The following DMD variants were observed in gnomAD, a reference collection of about 807,000 sequenced individuals.
DMD encodes the protein mutant dystrophin.
DMD carries 63 observed loss-of-function variants against 330.1 expected under a neutral mutation model. The ratio of observed to expected loss-of-function variants is 0.19; its 90% CI spans 0.16 to 0.24. The LOEUF is 0.24. Ranked by LOEUF, DMD falls within the 10% of genes least tolerant of loss-of-function variation. DMD has a pLI of 1.00. For synonymous variants in DMD, 1,223 were observed against 959.8 expected, an observed-to-expected ratio of 1.27 and a Z score of -5.07; for missense variants, 3,344 against 2,684.1, an observed-to-expected ratio of 1.25 and a Z score of -5.43.
intron 43 of DMD, among the ~76,000 whole-genome samples, chrX:32,245,549 G>C: frequency 1.1e-5 from 1 of 89,367 alleles, no homozygotes; most frequent in Admixed American, 1.3e-4. Flanking sequence ...AAATCACCTT[G>C]GGCAGTATGG....
chrX:32,178,966 CT>C lies in DMD; in HGVS notation c.6438+37949del, dbSNP rs1232814860. Among the ~76,000 whole-genome samples the C allele has an allele frequency of 2.9e-3, 304 of 104,101 alleles. 2 individuals are homozygous for C. The highest frequency in any genetic ancestry group is 0.01 in the African/African-American group (279 of 27,240). The allele number at this position is 104,101 out of a possible 115,157, so 90.4% of individuals were successfully genotyped here. ...TCTCTCTCTCTCTCTCTCTCTCTCT[CT>C]CTCTCTCTCTCTCTCCCTCTCCTCC... On this transcript the variant is annotated intron_variant, in intron 44 of 78. Coordinates refer to ENST00000357033, the MANE Select transcript of DMD (RefSeq NM_004006.3).
chrX:31,266,924 C>G, intron 62 of DMD: 2 of 1,162,710 alleles, frequency 1.7e-6, no homozygotes, highest in Non-Finnish European at 2.3e-6. Context: ...CCGCCGCCGC[C>G]GCCGCCCAAG....
chrX:31,410,737 ATATATATT>A (rs1376018234), intron 60 of DMD, among the ~76,000 whole-genome samples: 5 of 107,436 alleles, frequency 4.7e-5, no homozygotes, highest in South Asian at 3.9e-4. Context: ...ATAATTATAT[ATATATATT>A]TATATATTTA....
At chrX:32,792,255 A>C (rs144797350) in intron 7 of DMD, among the ~76,000 whole-genome samples, 326 of 111,528 alleles carry the variant, frequency 2.9e-3, no homozygotes, top group Non-Finnish European at 5.2e-3. Flanking sequence ...CTATACCTGG[A>C]AGTGAAAGAA....
chrX:32,634,096 C>G (rs2058926362), intron 11 of DMD, among the ~76,000 whole-genome samples: 1 of 111,731 alleles, frequency 9.0e-6, no homozygotes, highest in Admixed American at 9.5e-5. Context: ...TCCCTCTCTT[C>G]TCTCCCCTTT....
At chrX:31,428,703 C>T (rs750660864) in intron 60 of DMD, among the ~76,000 whole-genome samples, 3 of 112,278 alleles carry the variant, frequency 2.7e-5, no homozygotes, top group African/African-American at 9.7e-5. Context: ...TCTATTCACT[C>T]GTTCATTCAA....
intron 55 of DMD, among the ~76,000 whole-genome samples, chrX:31,587,140 C>T (rs995324993): frequency 1.3e-4 from 14 of 111,226 alleles, no homozygotes; most frequent in Non-Finnish European, 2.6e-4. Context: ...TGTATAGGCT[C>T]CTAAGGTGAC....
intron 54 of DMD, among the ~76,000 whole-genome samples, chrX:31,653,083 G>A (rs1416970545): frequency 9.0e-6 from 1 of 111,212 alleles, no homozygotes; most frequent in Admixed American, 9.5e-5. Context: ...AACTAGAGTA[G>A]CTCCTTGCTA....
At chrX:32,313,318 T>C (rs1448371689) in intron 41 of DMD, among the ~76,000 whole-genome samples, 1 of 111,264 alleles carries the variant, frequency 9.0e-6, no homozygotes, top group African/African-American at 3.3e-5. Context: ...ATTATCTCAA[T>C]AGATGCAGAA....
chrX:32,395,578 A>T (rs1296668352), intron 30 of DMD, among the ~76,000 whole-genome samples: 1 of 110,759 alleles, frequency 9.0e-6, no homozygotes, highest in Non-Finnish European at 1.9e-5. Flanking sequence ...TAATTTAAAA[A>T]AATTTTAAAA....
intron 49 of DMD, among the ~76,000 whole-genome samples, chrX:31,826,994 T>C (rs1373143050): frequency 8.9e-6 from 1 of 112,146 alleles, no homozygotes; most frequent in Admixed American, 9.5e-5. Context: ...TGTATATACT[T>C]TGCTTGAAAA....
intron 59 of DMD, among the ~76,000 whole-genome samples, chrX:31,474,704 C>T (rs1010032787): frequency 1.3e-5 from 1 of 74,890 alleles, no homozygotes; most frequent in Non-Finnish European, 2.4e-5. Flanking sequence ...GCGAGACTGT[C>T]GCAAAAAAAA....
At chrX:31,344,627 T>C (rs773229522) in intron 61 of DMD, among the ~76,000 whole-genome samples, 2 of 110,886 alleles carry the variant, frequency 1.8e-5, no homozygotes, top group East Asian at 5.7e-4. Context: ...AGTGGGTGGA[T>C]TACTTGAGGC....
chrX:31,263,491 G>A (rs959415926), intron 62 of DMD, among the ~76,000 whole-genome samples: 3 of 111,125 alleles, frequency 2.7e-5, no homozygotes, highest in Non-Finnish European at 5.7e-5. Context: ...ATCAGTCCTC[G>A]GCAAAACTGA....
chrX:31,608,744 T>C (rs1390787772), intron 55 of DMD, among the ~76,000 whole-genome samples: 1 of 110,944 alleles, frequency 9.0e-6, no homozygotes, highest in Non-Finnish European at 1.9e-5. Context: ...CAAACAGGAA[T>C]GTATAGATCT....
At chrX:32,178,708 A>T (rs1005215150) in intron 44 of DMD, among the ~76,000 whole-genome samples, 20 of 110,973 alleles carry the variant, frequency 1.8e-4, no homozygotes, top group Non-Finnish European at 2.5e-4. Context: ...TATAAGTGAG[A>T]TCATACAATA....
intron 59 of DMD, among the ~76,000 whole-genome samples, chrX:31,457,663 C>G (rs2066275018): frequency 8.9e-6 from 1 of 111,957 alleles, no homozygotes. Context: ...CTCTGCATGT[C>G]TGAATAATGA....
chrX:31,865,985 C>T (rs970320821), intron 48 of DMD, among the ~76,000 whole-genome samples: 2 of 111,021 alleles, frequency 1.8e-5, no homozygotes, highest in African/African-American at 6.6e-5. Flanking sequence ...TGCTTCACCT[C>T]TATGGCACAA....
chrX:31,834,894 T>C (rs2093160837), intron 49 of DMD, among the ~76,000 whole-genome samples: 1 of 111,401 alleles, frequency 9.0e-6, no homozygotes, highest in Non-Finnish European at 1.9e-5. Flanking sequence ...AAAACAGTGC[T>C]GTCTGCTACA....
Sources: gnomAD v4.1 joint callset for allele counts (sites outside exome capture counted in the v4.1 genomes callset) on GRCh38, gnomAD v4.1.1 for gene constraint, MANE v1.5 for transcripts, NCBI Gene and HGNC (gene_info 2026-07-23, HGNC 2026-07-21) for gene names.